The following UBL3 variants were observed in gnomAD, a reference collection of about 807,000 sequenced individuals.
UBL3 encodes the protein ubiquitin-like protein 3.
Under a neutral mutation model 18.4 loss-of-function variants are expected in UBL3, and 6 were observed. That is an observed-to-expected ratio of 0.33 (90% CI 0.18 to 0.64). UBL3 has a LOEUF of 0.64. Among genes scored for constraint, UBL3 ranks in the 30% least tolerant of loss-of-function variants. UBL3 has a pLI of 0.76. For synonymous variants in UBL3, 49 were observed against 46.6 expected, an observed-to-expected ratio of 1.05 and a Z score of -0.21; for missense variants, 109 against 142.9, an observed-to-expected ratio of 0.76 and a Z score of 1.21.
At chr13:29,819,723 G>T (rs759463207) in intron 1 of UBL3, among the ~76,000 whole-genome samples, 1 of 152,024 alleles carries the variant, frequency 6.6e-6, no homozygotes, top group South Asian at 2.1e-4. Flanking sequence ...AAAGTTAGAA[G>T]AGAACCATAT....
At chr13:29,806,791 T>G (rs925381448) in intron 1 of UBL3, among the ~76,000 whole-genome samples, 6 of 152,236 alleles carry the variant, frequency 3.9e-5, no homozygotes, top group African/African-American at 1.4e-4. Flanking sequence ...TCATCTCTCC[T>G]GACCCAGTGA....
At chr13:29,826,621 C>T (rs1878626419) in intron 1 of UBL3, among the ~76,000 whole-genome samples, 1 of 152,028 alleles carries the variant, frequency 6.6e-6, no homozygotes. Flanking sequence ...TTTTGTTGAT[C>T]CTTTCAAAAA....
intron 1 of UBL3, among the ~76,000 whole-genome samples, chr13:29,794,244 GA>G (rs1877552284): frequency 6.6e-6 from 1 of 152,052 alleles, no homozygotes; most frequent in South Asian, 2.1e-4. Context: ...AAAAGTTTTA[GA>G]AAGCATGACT....
intron 1 of UBL3, among the ~76,000 whole-genome samples, chr13:29,795,020 T>C (rs893871681): frequency 2.0e-5 from 3 of 152,212 alleles, no homozygotes; most frequent in Non-Finnish European, 4.4e-5. Flanking sequence ...CATTCTTATC[T>C]TGACACTCTT....
chr13:29,773,140 A>C (rs917148371), intron 2 of UBL3, among the ~76,000 whole-genome samples: 14 of 152,204 alleles, frequency 9.2e-5, no homozygotes, highest in Admixed American at 2.0e-4. Flanking sequence ...AATAGTTTAA[A>C]GTATTCTGAA....
At chr13:29,830,865 A>ATATATATATATATATATAT (rs1878753127) in intron 1 of UBL3, among the ~76,000 whole-genome samples, 1 of 152,224 alleles carries the variant, frequency 6.6e-6, no homozygotes, top group African/African-American at 2.4e-5. Flanking sequence ...GAATTATATT[A>ATATATATATATATATATAT]AAAACACTCT....
At chr13:29,801,058 T>G (rs1218025030) in intron 1 of UBL3, among the ~76,000 whole-genome samples, 1 of 152,212 alleles carries the variant, frequency 6.6e-6, no homozygotes, top group Non-Finnish European at 1.5e-5. Context: ...GTGGCAGCTC[T>G]GCATTTCTCT....
At chr13:29,779,211 C>A in intron 1 of UBL3, 1 of 501,736 alleles carries the variant, frequency 2.0e-6, no homozygotes, top group Admixed American at 2.1e-5. Flanking sequence ...AACCTAACAT[C>A]TATGCAACAC....
intron 1 of UBL3, among the ~76,000 whole-genome samples, chr13:29,807,574 GTTA>G (rs1452755907): frequency 2.0e-5 from 3 of 151,976 alleles, no homozygotes; most frequent in East Asian, 1.9e-4. Flanking sequence ...TTATTCAGTA[GTTA>G]TTATTATCCA....
intron 1 of UBL3, among the ~76,000 whole-genome samples, chr13:29,780,473 G>A (rs1268019693): frequency 1.4e-5 from 2 of 146,506 alleles, no homozygotes; most frequent in South Asian, 2.1e-4. Context: ...CCTTTAAAAC[G>A]GGAAGCAGCT....
At chr13:29,847,483 T>G (rs1258575106) in intron 1 of UBL3, among the ~76,000 whole-genome samples, 1 of 152,210 alleles carries the variant, frequency 6.6e-6, no homozygotes, top group Non-Finnish European at 1.5e-5. Context: ...CTGCTCCTAC[T>G]TCCCAGTCCT....
At chr13:29,816,332 A>G (rs556316512) in intron 1 of UBL3, among the ~76,000 whole-genome samples, 1 of 152,318 alleles carries the variant, frequency 6.6e-6, no homozygotes, top group South Asian at 2.1e-4. Context: ...ATTTACTTTT[A>G]GAACCAAGTA....
intron 1 of UBL3, among the ~76,000 whole-genome samples, chr13:29,798,173 C>T (rs1877665904): frequency 6.6e-6 from 1 of 151,954 alleles, no homozygotes; most frequent in South Asian, 2.1e-4. Context: ...TACAGGCACC[C>T]ATCCCCATGC....
intron 1 of UBL3, among the ~76,000 whole-genome samples, chr13:29,831,323 C>T (rs567899422): frequency 6.6e-6 from 1 of 152,282 alleles, no homozygotes; most frequent in East Asian, 1.9e-4. Flanking sequence ...GGCGCGGTGG[C>T]TCACGCCTGT....
At chr13:29,810,915 G>A (rs977562997) in intron 1 of UBL3, among the ~76,000 whole-genome samples, 2 of 151,986 alleles carry the variant, frequency 1.3e-5, no homozygotes, top group African/African-American at 4.8e-5. Flanking sequence ...TGAATTTTGG[G>A]CCTTTACAAT....
intron 2 of UBL3, among the ~76,000 whole-genome samples, chr13:29,776,673 C>T (rs1475848025): frequency 1.3e-5 from 2 of 151,768 alleles, no homozygotes; most frequent in African/African-American, 4.8e-5. Context: ...GAGATCGAGA[C>T]CATCCTGGCC....
At chr13:29,838,746 G>A (rs76269689) in intron 1 of UBL3, among the ~76,000 whole-genome samples, 6,909 of 152,086 alleles carry the variant, frequency 0.045, 224 homozygotes, top group Middle Eastern at 0.092. Context: ...ACTTAATGAT[G>A]GAAGTAAAAT....
intron 1 of UBL3, among the ~76,000 whole-genome samples, chr13:29,826,200 T>C (rs956446414): frequency 2.0e-5 from 3 of 152,218 alleles, no homozygotes; most frequent in Non-Finnish European, 4.4e-5. Context: ...GTCAGGATGA[T>C]GCTGGCCTCA....
At position 29,831,807 on chromosome 13, in the gene UBL3, T is replaced by C. The variant is rs2761937; in HGVS notation, c.27+17705A>G. Among the ~76,000 whole-genome samples the C allele has an allele frequency of 5.7e-3, 865 of 150,550 alleles. 6 individuals are homozygous for C. Among genetic ancestry groups the C allele is most frequent in the African/African-American group, 0.02 (835 of 41,004 alleles). On this transcript the variant is annotated intron_variant, in intron 1 of 4. Transcript: ENST00000380680. ...AGTCTGGGACCACTTGGAATACAAG[T>C]CAAAAACAAACAAACAAAAAAACAA... is the stretch of plus-strand genomic sequence containing the variant.
Sources: gnomAD v4.1 joint callset for allele counts (sites outside exome capture counted in the v4.1 genomes callset) on GRCh38, gnomAD v4.1.1 for gene constraint, MANE v1.5 for transcripts, NCBI Gene and HGNC (gene_info 2026-07-23, HGNC 2026-07-21) for gene names.